Variants in PHACTR4 observed in about 807,000 individuals in gnomAD.
PHACTR4 encodes the protein phosphatase and actin regulator 4, also known as protein phosphatase 1, regulatory subunit 124.
In PHACTR4, 51 loss-of-function variants were observed where a neutral mutation model predicts 72.7. That is an observed-to-expected ratio of 0.70 (90% CI 0.56 to 0.89). The LOEUF is 0.89. Among genes scored for constraint, PHACTR4 ranks in the 40% least tolerant of loss-of-function variants. The pLI, the probability that PHACTR4 is intolerant of heterozygous loss-of-function variation, is 0.00. For missense variants in PHACTR4, 731 were observed against 861.8 expected (o/e 0.85, Z 1.90); for synonymous variants, 255 against 302.5 (o/e 0.84, Z 1.63).
At chr1:28,454,270 CTTTTTTT>C (rs945039969) in intron 2 of PHACTR4, among the ~76,000 whole-genome samples, 14 of 95,082 alleles carry the variant, frequency 1.5e-4, no homozygotes, top group South Asian at 7.1e-4. Context: ...ATCACTTTGT[CTTTTTTT>C]TTTTTTTTTT....
chr1:28,495,018 G>C (rs1176644921), intron 13 of PHACTR4, among the ~76,000 whole-genome samples: 2 of 152,196 alleles, frequency 1.3e-5, no homozygotes, highest in African/African-American at 2.4e-5. Flanking sequence ...TGATAGATTT[G>C]TAAGACATTT....
rs1283494832 is a variant in PHACTR4 at position 28,498,630 on chromosome 1, C to T, written c.*2081C>T. 6.6e-6 allele frequency: 1 copy of T among 152,056 alleles called. No individual in the cohort carries two copies. Among genetic ancestry groups the T allele is most frequent in the African/African-American group, 2.4e-5 (1 of 41,432 alleles). 9.4% of individuals were successfully genotyped at this position (152,056 alleles called of 1,614,324 possible). A position where few individuals can be genotyped will look rare whatever the true frequency, so the allele number is the denominator to read the frequency against. ...TGATGAATGTGGCTTTTTTTCCCTT[C>T]ACTTTAATGTTCAAGAAGTTGTGGC... On this transcript the variant is annotated 3_prime_UTR_variant, in exon 14 of 14. Transcript: ENST00000373839.
Position 28,476,263 on chromosome 1 carries a change from T to C in PHACTR4, c.1578T>C (p.Asp526=), listed in dbSNP as rs1338533218. ...SDSEGPIQYR[D]EEDEDESYQS... ...CAGAAGGTCCCATTCAGTACCGAGA[T>C]GAAGAAGATGAAGATGAAAGCTATC... is the stretch of plus-strand genomic sequence containing the variant. Residue 526 remains aspartate, a synonymous_variant, in exon 8 of 14, where the codon GAT becomes GAC. Transcript: ENST00000373839. 1.3e-6 allele frequency: 2 copies of C among 1,598,266 alleles called. No homozygotes were observed. Among genetic ancestry groups the C allele is most frequent in the Non-Finnish European group, 1.7e-6 (2 of 1,175,176 alleles).
At chr1:28,376,620 C>T (rs115315698) in intron 1 of PHACTR4, among the ~76,000 whole-genome samples, 12,605 of 151,568 alleles carry the variant, frequency 0.083, 1,096 homozygotes, top group African/African-American at 0.22. Context: ...TGAGCCACTG[C>T]GCTGGGCCTA....
intron 1 of PHACTR4, among the ~76,000 whole-genome samples, chr1:28,399,809 T>C (rs545661271): frequency 7.4e-4 from 112 of 152,246 alleles, no homozygotes; most frequent in African/African-American, 2.6e-3. Context: ...ATAGAATGTT[T>C]TGAAAAGGGG....
intron 1 of PHACTR4, among the ~76,000 whole-genome samples, chr1:28,379,580 T>C (rs1428269965): frequency 6.7e-6 from 1 of 150,182 alleles, no homozygotes; most frequent in Non-Finnish European, 1.5e-5. Flanking sequence ...GGCCCTGGCC[T>C]ATAATTTCTT....
chr1:28,397,775 A>G (rs1653624303), intron 1 of PHACTR4, among the ~76,000 whole-genome samples: 1 of 150,022 alleles, frequency 6.7e-6, no homozygotes, highest in Admixed American at 6.7e-5. Context: ...GGCTCACTGC[A>G]ACCTCCACCT....
At chr1:28,433,317 C>T (rs956281670) in intron 2 of PHACTR4, among the ~76,000 whole-genome samples, 1 of 151,890 alleles carries the variant, frequency 6.6e-6, no homozygotes, top group Non-Finnish European at 1.5e-5. Context: ...ATCGTCCTAC[C>T]TTTCTGCTTG....
chr1:28,421,651 C>T (rs1387013607), intron 2 of PHACTR4, among the ~76,000 whole-genome samples: 1 of 152,046 alleles, frequency 6.6e-6, no homozygotes, highest in East Asian at 1.9e-4. Context: ...TTTATTTTGT[C>T]CATTTCCCCG....
intron 2 of PHACTR4, among the ~76,000 whole-genome samples, chr1:28,416,900 G>A (rs570691467): frequency 2.4e-4 from 37 of 152,146 alleles, no homozygotes; most frequent in African/African-American, 3.9e-4. Context: ...CCAAAGATTA[G>A]GTTTTATTTT....
At chr1:28,433,462 C>CT (rs567134987) in intron 2 of PHACTR4, among the ~76,000 whole-genome samples, 40,270 of 130,448 alleles carry the variant, frequency 0.31, 6,827 homozygotes, top group African/African-American at 0.37. Context: ...TTCTTTTTTT[C>CT]TTTTTTTTTT....
intron 2 of PHACTR4, among the ~76,000 whole-genome samples, chr1:28,448,424 G>C (rs1657635873): frequency 7.0e-6 from 1 of 142,278 alleles, no homozygotes; most frequent in South Asian, 2.1e-4. Flanking sequence ...AAGGGGAAAG[G>C]AAAAAGGAAA....
chr1:28,473,366 T>C (rs1214202960), intron 6 of PHACTR4, among the ~76,000 whole-genome samples, 188 bp from the exon 7 acceptor site: 2 of 152,158 alleles, frequency 1.3e-5, no homozygotes, highest in Non-Finnish European at 2.9e-5. Flanking sequence ...TGTACATTTA[T>C]TAAGCCTTCT....
chr1:28,464,989 A>G (rs1306778172), intron 4 of PHACTR4, among the ~76,000 whole-genome samples: 1 of 152,074 alleles, frequency 6.6e-6, no homozygotes. Context: ...CAGGTGTGAG[A>G]CACTGCGCCC....
intron 2 of PHACTR4, among the ~76,000 whole-genome samples, chr1:28,416,288 C>G (rs1655101567): frequency 6.6e-6 from 1 of 152,042 alleles, no homozygotes; most frequent in African/African-American, 2.4e-5. Flanking sequence ...TATCCTCTGT[C>G]ATCTTATTTC....
intron 1 of PHACTR4, among the ~76,000 whole-genome samples, chr1:28,371,758 T>C (rs534978090): frequency 3.3e-5 from 5 of 151,986 alleles, no homozygotes; most frequent in African/African-American, 4.8e-5. Context: ...CGCAGCTAAT[T>C]AAAAAAATTT....
At position 28,397,769 on chromosome 1, in the gene PHACTR4, C is replaced by T. The variant is rs550078261; in HGVS notation, c.-38-9641C>T. ...GGCGTGCAGTGGCGCAGTCTCGGCTCACTGCAACCTCCACCTCCTGGGTTC... is the reference window on the plus strand; with the variant it reads ...GGCGTGCAGTGGCGCAGTCTCGGCTTACTGCAACCTCCACCTCCTGGGTTC... On this transcript the variant is annotated intron_variant, in intron 1 of 13. Transcript: ENST00000373839. 2.7e-5 allele frequency among the ~76,000 whole-genome samples: 4 copies of T among 150,200 alleles called. No individual in the cohort carries two copies. The East Asian group carries it at 7.9e-4, about 30-fold the overall frequency.
At chr1:28,376,589 A>G (rs1348549256) in intron 1 of PHACTR4, among the ~76,000 whole-genome samples, 2 of 151,714 alleles carry the variant, frequency 1.3e-5, no homozygotes, top group African/African-American at 4.8e-5. Context: ...TTGGCCTCCC[A>G]AAGTGCTGGG....
chr1:28,410,158 G>A lies in PHACTR4; in HGVS notation c.16+2695G>A, dbSNP rs180931893. On this transcript the variant is annotated intron_variant, in intron 2 of 13. Transcript: ENST00000373839. ...ATTTTTTGTATTTTTAGTAGAGACA[G>A]GGTTTCACCATCTTGGCCAGGATGA... is the stretch of plus-strand genomic sequence containing the variant. 1.5e-4 allele frequency among the ~76,000 whole-genome samples: 23 copies of A among 151,772 alleles called. No individual in the cohort carries two copies. In the East Asian group the frequency reaches 3.1e-3, roughly 21 times the overall value.
Sources: allele counts gnomAD v4.1 joint callset (sites outside exome capture counted in the v4.1 genomes callset), GRCh38; gene constraint gnomAD v4.1.1; transcripts MANE v1.5; gene names NCBI Gene and HGNC (gene_info 2026-07-23, HGNC 2026-07-21).